The following ZBTB24 variants were observed in gnomAD, a reference collection of about 807,000 sequenced individuals.
The protein encoded by ZBTB24 is zinc finger and BTB domain-containing protein 24.
In ZBTB24, 32 loss-of-function variants were observed where a neutral mutation model predicts 53.8. That is an observed-to-expected ratio of 0.60 (90% CI 0.45 to 0.80). ZBTB24 has a LOEUF of 0.80. Among genes scored for constraint, ZBTB24 ranks in the 30% least tolerant of loss-of-function variants. The pLI, the probability that ZBTB24 is intolerant of heterozygous loss-of-function variation, is 0.00. For synonymous variants in ZBTB24, 297 were observed against 306.7 expected, an observed-to-expected ratio of 0.97 and a Z score of 0.33; for missense variants, 722 against 837.1, an observed-to-expected ratio of 0.86 and a Z score of 1.70.
Position 109,475,496 on chromosome 6 carries a change from TA to T in ZBTB24, c.1205-15del. 1 of 1,614,038 alleles carries T rather than the reference TA, an allele frequency of 6.2e-7. No individual in the cohort carries two copies. The highest frequency in any genetic ancestry group is 8.5e-7 in the Non-Finnish European group (1 of 1,179,962). ...GTAATGAGTGGCCTTGTCGCAACAATAAAAAAAGTGTCAGTGCATACATGCT... is the reference window on the plus strand; with the variant it reads ...GTAATGAGTGGCCTTGTCGCAACAATAAAAAAGTGTCAGTGCATACATGCT... On this transcript the variant is annotated splice_polypyrimidine_tract_variant and intron_variant, in intron 4 of 6. Transcript: ENST00000230122.
intron 5 of ZBTB24, among the ~76,000 whole-genome samples, chr6:109,468,539 C>T (rs983075939): frequency 3.3e-5 from 5 of 152,104 alleles, no homozygotes; most frequent in African/African-American, 9.7e-5. Context: ...GCTCCATCAC[C>T]ACCAAGAGCA....
At chr6:109,477,645 G>A (rs1423954662) in intron 2 of ZBTB24, among the ~76,000 whole-genome samples, 5 of 152,220 alleles carry the variant, frequency 3.3e-5, no homozygotes, top group African/African-American at 1.2e-4. Flanking sequence ...TGTTCACTGA[G>A]GAGGGTTAAG....
intron 5 of ZBTB24, among the ~76,000 whole-genome samples, chr6:109,472,776 T>C (rs1262010587): frequency 2.6e-5 from 4 of 152,208 alleles, no homozygotes; most frequent in African/African-American, 9.7e-5. Context: ...ACTCCTGATC[T>C]GTTCTTCTTA....
rs764694265 is a variant in ZBTB24, at chr6:109,476,758, ACTAC to A, written c.1120+1_1120+4del. 6.2e-7 allele frequency: 1 copy of A among 1,612,584 alleles called. No individual in the cohort carries two copies. The highest frequency in any genetic ancestry group is 1.1e-5 in the South Asian group (1 of 90,808). The stretch of plus-strand genomic sequence containing the variant: ...GAAGCTGGCCCTCTGGGCAAGCCCC[ACTAC>A]CTGAGTGCAGGCTCATGTGCTCCAG... On this transcript the variant is annotated splice_donor_variant and splice_donor_region_variant and intron_variant, in intron 3 of 6. Transcript: ENST00000230122. LOFTEE classifies it high-confidence loss of function.
intron 4 of ZBTB24, among the ~76,000 whole-genome samples, chr6:109,475,827 G>A (rs1436097128): frequency 6.6e-6 from 1 of 152,180 alleles, no homozygotes; most frequent in East Asian, 1.9e-4. Context: ...GTAGAACCAG[G>A]GGAGAGAAAG....
At position 109,463,470 on chromosome 6, in the gene ZBTB24, C is replaced by T. The variant is rs1775954596; in HGVS notation, c.*2381G>A. 6.6e-6 allele frequency: 1 copy of T among 152,174 alleles called. No homozygotes were observed. The highest frequency in any genetic ancestry group is 1.5e-5 in the Non-Finnish European group (1 of 68,036). 9.4% of individuals were successfully genotyped at this position (152,174 alleles called of 1,614,324 possible). On this transcript the variant is annotated 3_prime_UTR_variant, in exon 7 of 7. Transcript: ENST00000230122. ...TGTCCAATATAGCAGCCACTAGCCA[C>T]ATGTGCTTATCAAGCATTTGCACTG...
intron 6 of ZBTB24, among the ~76,000 whole-genome samples, chr6:109,467,415 G>A (rs930520281): frequency 6.6e-6 from 1 of 152,084 alleles, no homozygotes; most frequent in East Asian, 1.9e-4. Context: ...GGAGGCCACG[G>A]TGGGAGAATC....
chr6:109,467,476 C>T (rs1012899729), intron 6 of ZBTB24, 177 bp downstream of exon 6: 24 of 960,340 alleles, frequency 2.5e-5, no homozygotes, highest in Middle Eastern at 5.3e-4. Context: ...CCAGCCTGGG[C>T]GACAGTGAGA....
intron 5 of ZBTB24, among the ~76,000 whole-genome samples, chr6:109,474,459 A>G (rs1251718052): frequency 6.6e-6 from 1 of 152,164 alleles, no homozygotes; most frequent in Non-Finnish European, 1.5e-5. Context: ...TGGGCCAGGC[A>G]CAGTGGCTCA....
chr6:109,476,943 C>A lies in ZBTB24; in HGVS notation c.953-13G>T, dbSNP rs1485575034. On this transcript the variant is annotated splice_polypyrimidine_tract_variant and intron_variant, in intron 2 of 6. Transcript: ENST00000230122. Reference sequence around the variant, plus strand: ...AAAGGTCGCTCCCCTGGAAGAAGAGCCCCAGAAGCATGGTATAAGTAAGAA... The same window carrying A: ...AAAGGTCGCTCCCCTGGAAGAAGAGACCCAGAAGCATGGTATAAGTAAGAA... 15 of 1,613,074 alleles carry A rather than the reference C, an allele frequency of 9.3e-6. No homozygotes were observed. Among genetic ancestry groups the A allele is most frequent in the Non-Finnish European group, 1.2e-5 (14 of 1,179,750 alleles).
Position 109,478,750 on chromosome 6 carries a change from C to T in ZBTB24, c.953-1820G>A, listed in dbSNP as rs187421318. Among the ~76,000 whole-genome samples the T allele has an allele frequency of 4.0e-5, 6 of 151,732 alleles. No homozygotes were observed. In the East Asian group the frequency reaches 1.2e-3, roughly 29 times the overall value. ...AGCATTGCCAGTAGCTTTTAGCAACCCACCCTTACATATGATTTAAAAAAA... is the reference window on the plus strand; with the variant it reads ...AGCATTGCCAGTAGCTTTTAGCAACTCACCCTTACATATGATTTAAAAAAA... On this transcript the variant is annotated intron_variant, in intron 2 of 6. Transcript: ENST00000230122.
intron 5 of ZBTB24, among the ~76,000 whole-genome samples, chr6:109,471,543 C>A (rs575453020): frequency 4.4e-4 from 67 of 152,286 alleles, no homozygotes; most frequent in African/African-American, 1.6e-3. Context: ...TGAGTAGGAA[C>A]CCTCAGGGCA....
chr6:109,479,557 T>C (rs1776353457), intron 2 of ZBTB24, among the ~76,000 whole-genome samples: 1 of 152,208 alleles, frequency 6.6e-6, no homozygotes, highest in South Asian at 2.1e-4. Context: ...GGAAGAACGA[T>C]CCTACATGCT....
At chr6:109,482,943 G>C (rs1776464373) in intron 1 of ZBTB24, among the ~76,000 whole-genome samples, 155 bp downstream of exon 1, 1 of 152,206 alleles carries the variant, frequency 6.6e-6, no homozygotes, top group Non-Finnish European at 1.5e-5. Flanking sequence ...CGCAGCCCCG[G>C]GTGGTCCCAG....
rs1776040361 is a variant in ZBTB24 at position 109,466,316 on chromosome 6, T to C, written c.1629A>G (p.Gln543=). ...TTTCCTGCTCTCCCGAGGTAGAGAG[T>C]TGATATGGCTGTAGCTGAAGAATAT... ...VRNILQLQPY[Q]LSTSGEQEIQ... is the part of the protein sequence containing the mutation. Residue 543 remains glutamine, a synonymous_variant, in exon 7 of 7, where the codon CAA becomes CAG. Coordinates refer to ENST00000230122, the MANE Select transcript of ZBTB24 (RefSeq NM_014797.3). The C allele has an allele frequency of 6.2e-7, 1 of 1,614,088 alleles. No individual in the cohort carries two copies. Among genetic ancestry groups the C allele is most frequent in the Non-Finnish European group, 8.5e-7 (1 of 1,180,016 alleles).
At chr6:109,474,259 C>T (rs1294727627) in intron 5 of ZBTB24, among the ~76,000 whole-genome samples, 2 of 152,042 alleles carry the variant, frequency 1.3e-5, no homozygotes, top group Non-Finnish European at 2.9e-5. Context: ...TCCAATTTTC[C>T]GATCTTACAT....
Position 109,468,932 on chromosome 6 carries a change from G to GAA in ZBTB24, c.1289-1200_1289-1199dup, listed in dbSNP as rs61250996. 3.9e-3 allele frequency among the ~76,000 whole-genome samples: 464 copies of GAA among 119,992 alleles called. 2 individuals carry two copies. Among genetic ancestry groups the GAA allele is most frequent in the Non-Finnish European group, 5.6e-3 (312 of 55,716 alleles). 78.7% of individuals were successfully genotyped at this position (119,992 alleles called of 152,430 possible). On this transcript the variant is annotated intron_variant, in intron 5 of 6. Transcript: ENST00000230122. Reference sequence around the variant, plus strand: ...GCAAGAAAACTAAATTGGAAAAAAAGAAAAAAAAAAAAAAAGCAAGCAGCA... The same window carrying GAA: ...GCAAGAAAACTAAATTGGAAAAAAAGAAAAAAAAAAAAAAAAAGCAAGCAGCA...
intron 5 of ZBTB24, among the ~76,000 whole-genome samples, chr6:109,467,945 T>C (rs550039691): frequency 6.6e-6 from 1 of 152,108 alleles, no homozygotes; most frequent in Non-Finnish European, 1.5e-5. Flanking sequence ...GCCAAGAGCA[T>C]ACACAGAAAT....
chr6:109,474,555 A>AC (rs1158075667), intron 5 of ZBTB24, among the ~76,000 whole-genome samples: 1 of 152,048 alleles, frequency 6.6e-6, no homozygotes, highest in Admixed American at 6.6e-5. Flanking sequence ...ACATGGTAAA[A>AC]CCCCATCTCT....
Sources: gnomAD v4.1 joint callset for allele counts (sites outside exome capture counted in the v4.1 genomes callset) on GRCh38, gnomAD v4.1.1 for gene constraint, MANE v1.5 for transcripts, NCBI Gene and HGNC (gene_info 2026-07-23, HGNC 2026-07-21) for gene names.